The following GALNT18 variants were observed in gnomAD, a reference collection of about 807,000 sequenced individuals.
GALNT18 encodes the protein GalNAc-transferase 18.
A neutral mutation model predicts 69.5 loss-of-function variants in GALNT18; 44 were observed. The ratio of observed to expected loss-of-function variants is 0.63; its 90% CI spans 0.50 to 0.81. The LOEUF (loss-of-function observed/expected upper bound fraction) is 0.81, where lower values mean the gene tolerates loss of function less well. Ranked by LOEUF, GALNT18 falls within the 40% of genes least tolerant of loss-of-function variation. The pLI is 0.00. For missense variants in GALNT18, 715 were observed against 810.0 expected (o/e 0.88, Z 1.42); for synonymous variants, 364 against 318.2 (o/e 1.14, Z -1.53).
In GALNT18 at chr11:11,278,637, T is replaced by C. The variant is rs562212481; in HGVS notation, c.1678-7347A>G. 1.1e-4 allele frequency among the ~76,000 whole-genome samples: 17 copies of C among 151,880 alleles called. No homozygotes were observed. In the South Asian group the frequency reaches 2.7e-3, roughly 24 times the overall value. Reference sequence around the variant, plus strand: ...AATTTTGCATGTTCTTACTCACATATGGGAGTTAAAATTAAAAAAAAAATT... The same window carrying C: ...AATTTTGCATGTTCTTACTCACATACGGGAGTTAAAATTAAAAAAAAAATT... On this transcript the variant is annotated intron_variant, in intron 10 of 10. Coordinates refer to ENST00000227756, the MANE Select transcript of GALNT18 (RefSeq NM_198516.3).
At chr11:11,532,831 C>T (rs1192389001) in intron 1 of GALNT18, among the ~76,000 whole-genome samples, 1 of 152,238 alleles carries the variant, frequency 6.6e-6, no homozygotes, top group African/African-American at 2.4e-5. Context: ...CCTCAGCCTA[C>T]TCTCTTGGCA....
intron 10 of GALNT18, among the ~76,000 whole-genome samples, chr11:11,278,589 A>T (rs1297324220): frequency 6.6e-6 from 1 of 152,126 alleles, no homozygotes; most frequent in South Asian, 2.1e-4. Context: ...TAAACCAGGC[A>T]CAGAAAGACA....
chr11:11,306,102 C>T (rs561992444), intron 9 of GALNT18, among the ~76,000 whole-genome samples: 1 of 152,176 alleles, frequency 6.6e-6, no homozygotes, highest in Non-Finnish European at 1.5e-5. Context: ...TTACCTGGTC[C>T]TCCTGAGAAA....
rs1173804621 is a variant in GALNT18, at chr11:11,396,460, C to T, written c.596-17196G>A. Among the ~76,000 whole-genome samples, 3 of 151,992 alleles carry T rather than the reference C, an allele frequency of 2.0e-5. No homozygotes were observed. The highest frequency in any genetic ancestry group is 1.9e-4 in the East Asian group (1 of 5,174). ...GAAAGAATTCACGTGTGGGAGGTAC[C>T]GATGAATCAGACGAGGAAACTATCC... is the stretch of plus-strand genomic sequence containing the variant. On this transcript the variant is annotated intron_variant, in intron 3 of 10. Transcript: ENST00000227756. The surrounding 1 kb of genome is among the most constrained non-coding windows in gnomAD (Gnocchi z 5.2).
chr11:11,492,918 A>G (rs892891820), intron 1 of GALNT18, among the ~76,000 whole-genome samples: 1 of 152,178 alleles, frequency 6.6e-6, no homozygotes, highest in East Asian at 1.9e-4. Flanking sequence ...ATAAATAAAT[A>G]AAAGAAATGG....
chr11:11,593,619 T>G lies in GALNT18; in HGVS notation c.235+27740A>C, dbSNP rs541602119. On this transcript the variant is annotated intron_variant, in intron 1 of 10. Coordinates refer to ENST00000227756, the MANE Select transcript of GALNT18 (RefSeq NM_198516.3). ...TTTCCAGAGGCTTCTTATAAGTGAT[T>G]GTCACCCTTTAAAAATTTCCAGGCT... 1.9e-3 allele frequency among the ~76,000 whole-genome samples: 289 copies of G among 152,308 alleles called. 1 individual carries two copies. The highest frequency in any genetic ancestry group is 6.2e-3 in the African/African-American group (258 of 41,562).
intron 6 of GALNT18, among the ~76,000 whole-genome samples, chr11:11,358,826 AACACACACACACAC>A (rs10644506): frequency 9.0e-6 from 1 of 110,822 alleles, no homozygotes; most frequent in Non-Finnish European, 2.0e-5. Context: ...ATCCACACAA[AACACACACACACAC>A]ACACACACAC....
chr11:11,468,707 C>T (rs7926205), intron 1 of GALNT18, among the ~76,000 whole-genome samples: 42,674 of 151,938 alleles, frequency 0.28, 6,530 homozygotes, highest in Non-Finnish European at 0.33. Context: ...ATTCTCGGGT[C>T]TGGGGGCTTT....
At chr11:11,557,556 A>C (rs1858360970) in intron 1 of GALNT18, among the ~76,000 whole-genome samples, 1 of 152,172 alleles carries the variant, frequency 6.6e-6, no homozygotes. Context: ...AATAGGGATA[A>C]AAATATCTCC....
At chr11:11,508,506 T>C (rs899984312) in intron 1 of GALNT18, among the ~76,000 whole-genome samples, 1 of 152,260 alleles carries the variant, frequency 6.6e-6, no homozygotes, top group Non-Finnish European at 1.5e-5. Flanking sequence ...GTAAAAGTAC[T>C]TCATTCGTTT....
chr11:11,498,579 G>C (rs779233656), intron 1 of GALNT18, among the ~76,000 whole-genome samples: 2 of 152,216 alleles, frequency 1.3e-5, no homozygotes, highest in East Asian at 3.9e-4. Flanking sequence ...TGGGCAGATT[G>C]CCTGAGCTCA....
chr11:11,423,203 C>A (rs1243536491), intron 3 of GALNT18, among the ~76,000 whole-genome samples: 1 of 152,230 alleles, frequency 6.6e-6, no homozygotes, highest in Non-Finnish European at 1.5e-5. Flanking sequence ...CACTTGTATG[C>A]ATGAATATGA....
At position 11,511,374 on chromosome 11, in the gene GALNT18, C is replaced by T. The variant is rs1396526751; in HGVS notation, c.236-62438G>A. 2.6e-5 allele frequency among the ~76,000 whole-genome samples: 4 copies of T among 152,156 alleles called. No homozygotes were observed. Among genetic ancestry groups the T allele is most frequent in the African/African-American group, 9.7e-5 (4 of 41,444 alleles). On this transcript the variant is annotated intron_variant, in intron 1 of 10. Transcript: ENST00000227756. This position sits in a 1 kb window ranked among gnomAD's most constrained non-coding sequence, Gnocchi z 4.9. ...TGCAAAGAGCTACAGCTCAAGGTTGCTGTGTCCCCGCAGCCAAGGCTGAAG... is the reference window on the plus strand; with the variant it reads ...TGCAAAGAGCTACAGCTCAAGGTTGTTGTGTCCCCGCAGCCAAGGCTGAAG...
chr11:11,282,684 G>A (rs556580017), intron 10 of GALNT18, among the ~76,000 whole-genome samples: 2 of 152,248 alleles, frequency 1.3e-5, no homozygotes, highest in Admixed American at 6.5e-5. Context: ...TCACCTCAAC[G>A]AGCTTCAAAA....
At chr11:11,594,277 A>G (rs1859433414) in intron 1 of GALNT18, among the ~76,000 whole-genome samples, 1 of 152,234 alleles carries the variant, frequency 6.6e-6, no homozygotes, top group African/African-American at 2.4e-5. Context: ...AGTTCTTCAC[A>G]TTAACAACCA....
rs925122306 is a variant in GALNT18, at chr11:11,360,930, T to C, written c.1092+11585A>G. The stretch of plus-strand genomic sequence containing the variant: ...AGGTGTAGCAGGTTGAGTTGTGTAC[T>C]TGTTACTGTTGCCATTGGTAGATCA... On this transcript the variant is annotated intron_variant, in intron 6 of 10. Coordinates refer to ENST00000227756, the MANE Select transcript of GALNT18 (RefSeq NM_198516.3). 1.1e-4 allele frequency among the ~76,000 whole-genome samples: 16 copies of C among 152,342 alleles called. No individual in the cohort carries two copies. In the East Asian group the frequency reaches 3.1e-3, roughly 29 times the overall value.
intron 1 of GALNT18, among the ~76,000 whole-genome samples, chr11:11,471,730 G>A (rs1184270479): frequency 6.6e-6 from 1 of 152,100 alleles, no homozygotes; most frequent in Non-Finnish European, 1.5e-5. Context: ...CTGCCTGGGG[G>A]TACTCAGCAA....
intron 6 of GALNT18, among the ~76,000 whole-genome samples, chr11:11,367,635 C>T (rs1464067291): frequency 1.3e-5 from 2 of 152,170 alleles, no homozygotes; most frequent in Non-Finnish European, 2.9e-5. Flanking sequence ...TTCCTCACCA[C>T]CCCCTACTTC....
Position 11,595,695 on chromosome 11 carries a change from T to G in GALNT18, c.235+25664A>C, listed in dbSNP as rs535418880. Among the ~76,000 whole-genome samples, 14 of 152,348 alleles carry G rather than the reference T, an allele frequency of 9.2e-5. No homozygotes were observed. The highest frequency in any genetic ancestry group is 3.1e-4 in the African/African-American group (13 of 41,584). ...ATTTGTATATCTTCTTCAGAGAATT[T>G]GTCTATTGAGATGTTTTGCCTATTT... On this transcript the variant is annotated intron_variant, in intron 1 of 10. Transcript: ENST00000227756. The surrounding 1 kb of genome is among the most constrained non-coding windows in gnomAD (Gnocchi z 5.2).
Sources: gnomAD v4.1 joint callset for allele counts (sites outside exome capture counted in the v4.1 genomes callset) on GRCh38, gnomAD v4.1.1 for gene constraint, Gnocchi (gnomAD v3.1) non-coding constraint, MANE v1.5 for transcripts, NCBI Gene and HGNC (gene_info 2026-07-23, HGNC 2026-07-21) for gene names.